Variants in CCDC152 observed in about 807,000 individuals in gnomAD.
The protein encoded by CCDC152 is coiled-coil domain containing 152.
A neutral mutation model predicts 38.1 loss-of-function variants in CCDC152; 37 were observed. The observed-to-expected ratio is 0.97, with a 90% CI of 0.75 to 1.28. The LOEUF (loss-of-function observed/expected upper bound fraction) is 1.28. Among genes scored for constraint, CCDC152 ranks in the 50% most tolerant of loss-of-function variants. The pLI is 0.00. For missense variants in CCDC152, 259 were observed against 292.1 expected, an observed-to-expected ratio of 0.89 and a Z score of 0.83; for synonymous variants, 83 against 87.1, an observed-to-expected ratio of 0.95 and a Z score of 0.26.
At chr5:42,786,958 T>C (rs551327216) in intron 6 of CCDC152, among the ~76,000 whole-genome samples, 27 of 152,196 alleles carry the variant, frequency 1.8e-4, no homozygotes, top group South Asian at 1.0e-3. Flanking sequence ...TGTGTGGTTT[T>C]GCAAGTTCCT....
intron 6 of CCDC152, among the ~76,000 whole-genome samples, chr5:42,790,213 G>A (rs1180164606): frequency 6.6e-6 from 1 of 152,192 alleles, no homozygotes; most frequent in Admixed American, 6.5e-5. Context: ...GCTCACACCT[G>A]TAAATCCCAG....
intron 4 of CCDC152, among the ~76,000 whole-genome samples, chr5:42,772,649 C>CA (rs71608661): frequency 0.017 from 2,236 of 128,410 alleles, 84 homozygotes; most frequent in African/African-American, 0.06. Flanking sequence ...GACTCCGTCT[C>CA]AAAAAAAAAA....
At chr5:42,790,118 A>T (rs1759977889) in intron 6 of CCDC152, among the ~76,000 whole-genome samples, 1 of 152,274 alleles carries the variant, frequency 6.6e-6, no homozygotes, top group South Asian at 2.1e-4. Context: ...AATAAGAAGA[A>T]GTCAAACAAC....
rs755396959 is a variant in CCDC152, at chr5:42,801,095, G to A, written c.*1314G>A. On this transcript the variant is annotated 3_prime_UTR_variant, in exon 9 of 9. Coordinates refer to ENST00000361970, the MANE Select transcript of CCDC152 (RefSeq NM_001134848.2). ...TTGCTGGCATATCTCGGTTCTCTGG[G>A]TGACCCTGCCTATGCTGACCCTTGT... 24 of 1,614,006 alleles carry A rather than the reference G, an allele frequency of 1.5e-5. No homozygotes were observed. In the South Asian group the frequency reaches 2.6e-4, roughly 18 times the overall value.
chr5:42,777,094 TAGAG>T (rs1169988399), intron 4 of CCDC152, among the ~76,000 whole-genome samples: 33 of 151,702 alleles, frequency 2.2e-4, no homozygotes, highest in South Asian at 8.3e-4. Context: ...AAGAAATCAA[TAGAG>T]AGCAATGAAA....
intron 5 of CCDC152, 42 bp downstream of exon 5, chr5:42,779,564 G>C: frequency 2.8e-6 from 3 of 1,086,506 alleles, no homozygotes; most frequent in Non-Finnish European, 2.6e-6. Context: ...TCCCTGTGGA[G>C]ATTTATCTTT....
intron 6 of CCDC152, among the ~76,000 whole-genome samples, chr5:42,784,869 C>T (rs1759898563): frequency 1.3e-5 from 2 of 151,966 alleles, no homozygotes; most frequent in South Asian, 4.1e-4. Flanking sequence ...GGAATCTTTT[C>T]CTCATTGTTT....
At chr5:42,768,298 C>T (rs749231557) in intron 3 of CCDC152, among the ~76,000 whole-genome samples, 78 of 152,290 alleles carry the variant, frequency 5.1e-4, no homozygotes, top group African/African-American at 1.7e-3. Flanking sequence ...TACCTATCAA[C>T]CCAATAATCA....
intron 6 of CCDC152, 65 bp downstream of exon 6, chr5:42,783,641 C>G: frequency 1.3e-6 from 1 of 743,106 alleles, no homozygotes. Context: ...GGGTTTGTTA[C>G]ATGGGTATTT....
chr5:42,799,450 T>C lies in CCDC152; in HGVS notation c.634T>C (p.Tyr212His). 6.5e-7 allele frequency: 1 copy of C among 1,529,030 alleles called. No individual in the cohort carries two copies. The highest frequency in any genetic ancestry group is 8.8e-7 in the Non-Finnish European group (1 of 1,130,966). The allele number at this position is 1,529,030 out of a possible 1,614,324, so 94.7% of individuals were successfully genotyped here. A position where few individuals can be genotyped will look rare whatever the true frequency, so the allele number is the denominator to read the frequency against. ...TTCTACTGTTTTGCCACAAAGTATC[T>C]ACAGAAGGGTATGTGAGTTTTCCTC... is the stretch of plus-strand genomic sequence containing the variant. ...QDSTVLPQSI[Y>H]RRKLQHFQEE... Residue 212 changes from tyrosine to histidine, a missense_variant, in exon 8 of 9, where the codon TAC (tyrosine) becomes CAC (histidine). Physicochemically the swap from Tyr to His is moderately conservative, Grantham distance 83. Transcript: ENST00000361970.
Position 42,783,534 on chromosome 5 carries a change from A to G in CCDC152, c.388A>G (p.Lys130Glu). Residue 130 changes from lysine to glutamate, a missense_variant, in exon 6 of 9, where the codon AAG becomes GAG. Coordinates refer to ENST00000361970, the MANE Select transcript of CCDC152 (RefSeq NM_001134848.2). The part of the protein sequence containing the change: ...SEMKIKEEGY[K>E]KEISKLYQDM... ...AATGAAAATCAAAGAGGAGGGATAT[A>G]AGAAAGAAATAAGCAAACTTTATCA... 7.2e-7 allele frequency: 1 copy of G among 1,395,152 alleles called. No individual in the cohort carries two copies. The allele number at this position is 1,395,152 out of a possible 1,614,324, so 86.4% of individuals were successfully genotyped here. A position where few individuals can be genotyped will look rare whatever the true frequency, so the allele number is the denominator to read the frequency against.
intron 4 of CCDC152, among the ~76,000 whole-genome samples, chr5:42,774,866 T>A (rs890883923): frequency 3.9e-5 from 6 of 152,116 alleles, no homozygotes; most frequent in Admixed American, 6.6e-5. Flanking sequence ...CTACAGTTAA[T>A]ATGCTAAAGG....
intron 4 of CCDC152, among the ~76,000 whole-genome samples, chr5:42,776,774 C>A (rs1010341904): frequency 6.6e-6 from 1 of 152,080 alleles, no homozygotes; most frequent in African/African-American, 2.4e-5. Flanking sequence ...GATGAAAAAT[C>A]TCAAAATATA....
At chr5:42,792,202 A>G (rs1326642504) in intron 6 of CCDC152, among the ~76,000 whole-genome samples, 2 of 152,178 alleles carry the variant, frequency 1.3e-5, no homozygotes, top group Non-Finnish European at 2.9e-5. Context: ...AAATTTTATC[A>G]TAGTAGAACT....
At chr5:42,779,647 G>A in intron 5 of CCDC152, 125 bp downstream of exon 5, 1 of 534,454 alleles carries the variant, frequency 1.9e-6, no homozygotes, top group Non-Finnish European at 3.3e-6. Context: ...GTGTGTGTGT[G>A]GAGATATACG....
intron 3 of CCDC152, among the ~76,000 whole-genome samples, chr5:42,764,655 C>A (rs937860792): frequency 2.6e-5 from 4 of 152,144 alleles, no homozygotes; most frequent in Admixed American, 1.3e-4. Context: ...ATCATATCAA[C>A]AGAATGAAGG....
intron 2 of CCDC152, among the ~76,000 whole-genome samples, chr5:42,761,329 G>T (rs1759550241): frequency 6.6e-6 from 1 of 152,164 alleles, no homozygotes; most frequent in Non-Finnish European, 1.5e-5. Context: ...AAAAGAATGA[G>T]GTAGGCCAGG....
chr5:42,777,545 C>T (rs985869807), intron 4 of CCDC152, among the ~76,000 whole-genome samples: 1 of 151,830 alleles, frequency 6.6e-6, no homozygotes, highest in Non-Finnish European at 1.5e-5. Context: ...TATTTGATAG[C>T]CTATGTGAAA....
rs368855798 is a variant in CCDC152 at position 42,793,283 on chromosome 5, G to A, written c.431-3546G>A. On this transcript the variant is annotated intron_variant, in intron 6 of 8. Transcript: ENST00000361970. ...CAGATCAATGTTTGCCAGTATTTGA[G>A]CAAAAGGATAGATTATAAAGGGGCA... Among the ~76,000 whole-genome samples the A allele has an allele frequency of 6.6e-5, 10 of 152,112 alleles. 1 individual carries two copies. Among genetic ancestry groups the A allele is most frequent in the East Asian group, 5.8e-4 (3 of 5,190 alleles).
Sources: allele counts gnomAD v4.1 joint callset (sites outside exome capture counted in the v4.1 genomes callset), GRCh38; gene constraint gnomAD v4.1.1; transcripts MANE v1.5; gene names NCBI Gene and HGNC (gene_info 2026-07-23, HGNC 2026-07-21).